Variants in ZNFX1 observed in about 807,000 individuals in gnomAD.
ZNFX1 encodes zinc finger NFX1-type containing 1, also known as NFX1-type zinc finger-containing protein 1.
ZNFX1 carries 78 observed loss-of-function variants against 179.8 expected under a neutral mutation model. That is an observed-to-expected ratio of 0.43 (90% CI 0.36 to 0.52). The LOEUF is 0.52. Among genes scored for constraint, ZNFX1 ranks in the 20% least tolerant of loss-of-function variants. ZNFX1 has a pLI of 0.00. For missense variants in ZNFX1, 1,927 were observed against 2,386.6 expected, an observed-to-expected ratio of 0.81 and a Z score of 4.01; for synonymous variants, 848 against 868.5, an observed-to-expected ratio of 0.98 and a Z score of 0.42.
At chr20:49,258,987 A>G (rs1981048146) in intron 7 of ZNFX1, among the ~76,000 whole-genome samples, 1 of 151,782 alleles carries the variant, frequency 6.6e-6, no homozygotes, top group African/African-American at 2.4e-5. Context: ...CTGTAATCCC[A>G]GCTACTTGGG....
At chr20:49,260,128 T>C (rs1298156144) in intron 7 of ZNFX1, among the ~76,000 whole-genome samples, 1 of 152,082 alleles carries the variant, frequency 6.6e-6, no homozygotes, top group African/African-American at 2.4e-5. Flanking sequence ...AAAAGTCTTT[T>C]ATCTCATTAG....
At chr20:49,265,971 T>C (rs1981223916) in intron 4 of ZNFX1, among the ~76,000 whole-genome samples, 164 bp downstream of exon 4, 1 of 152,212 alleles carries the variant, frequency 6.6e-6, no homozygotes, top group Non-Finnish European at 1.5e-5. Context: ...GGTTAAGAAG[T>C]AGGAGCTGTG....
At chr20:49,257,263 G>A (rs796272817) in intron 8 of ZNFX1, among the ~76,000 whole-genome samples, 154 bp downstream of exon 8, 8 of 152,252 alleles carry the variant, frequency 5.3e-5, no homozygotes, top group East Asian at 1.9e-4. Flanking sequence ...TTATATCCTT[G>A]GGAATCACTA....
intron 9 of ZNFX1, 107 bp downstream of exon 9, chr20:49,255,701 C>T (rs1980953127): frequency 1.5e-6 from 2 of 1,302,612 alleles, no homozygotes; most frequent in Non-Finnish European, 2.1e-6. Context: ...AGTGGTGGTG[C>T]TCAATCAATA....
chr20:49,252,151 T>C (rs1391070480), intron 12 of ZNFX1, among the ~76,000 whole-genome samples: 1 of 143,992 alleles, frequency 6.9e-6, no homozygotes, highest in Admixed American at 7.0e-5. Flanking sequence ...CTTTTCTTTT[T>C]TTTTTTTCTG....
At position 49,270,201 on chromosome 20, in the gene ZNFX1, C is replaced by T. The variant is rs1287037274; in HGVS notation, c.1611G>A (p.Val537=). ...EEDVPFQRNI[V]ECNSHVKEPR... ...GCTCCTTCACATGAGAGTTACACTC[C>T]ACGATATTCCTCTGGAAGGGAACAT... is the stretch of plus-strand genomic sequence containing the variant. Residue 537 remains valine, a synonymous_variant, in exon 3 of 14, where the codon GTG becomes GTA. Coordinates refer to ENST00000396105, the MANE Select transcript of ZNFX1 (RefSeq NM_021035.3). This position sits in a 1 kb window ranked among gnomAD's most constrained non-coding sequence, Gnocchi z 4.6. 11 of 1,613,926 alleles carry T rather than the reference C, an allele frequency of 6.8e-6. No homozygotes were observed. In the East Asian group the frequency reaches 2.2e-4, roughly 33 times the overall value.
At chr20:49,275,072 G>A (rs1981518527) in intron 2 of ZNFX1, among the ~76,000 whole-genome samples, 2 of 151,680 alleles carry the variant, frequency 1.3e-5, no homozygotes, top group South Asian at 4.2e-4. Flanking sequence ...GCAGTGAGCA[G>A]AGATCGCGCC....
chr20:49,277,695 G>A (rs1981617353), intron 1 of ZNFX1, among the ~76,000 whole-genome samples: 1 of 149,824 alleles, frequency 6.7e-6, no homozygotes, highest in Non-Finnish European at 1.5e-5. Context: ...TGGGCCAGGG[G>A]CTGAGTGGGT....
intron 8 of ZNFX1, 109 bp from the exon 9 acceptor site, chr20:49,256,056 A>G: frequency 7.5e-7 from 1 of 1,335,884 alleles, no homozygotes; most frequent in Non-Finnish European, 1.0e-6. Flanking sequence ...ATCACTGATT[A>G]ATGTCAAGTG....
At position 49,270,827 on chromosome 20, in the gene ZNFX1, G is replaced by C. The variant is rs1277592863; in HGVS notation, c.985C>G (p.His329Asp). ...YTLVQPEAED[H>D]VESYRTMPIY... ...GGCATGGTTCGGTAGCTCTCAACAT[G>C]GTCTTCTGCCTCAGGCTGCACTAGA... Residue 329 changes from histidine to aspartate, a missense_variant, in exon 3 of 14, where the codon CAT (histidine) becomes GAT (aspartate). His to Asp is a moderately conservative substitution (Grantham distance 81, BLOSUM62 -1). Transcript: ENST00000396105. The surrounding 1 kb of genome is among the most constrained non-coding windows in gnomAD (Gnocchi z 4.6). The C allele has an allele frequency of 6.2e-7, 1 of 1,614,130 alleles. No individual in the cohort carries two copies. Among genetic ancestry groups the C allele is most frequent in the South Asian group, 1.1e-5 (1 of 91,078 alleles).
rs769195892 is a variant in ZNFX1, at chr20:49,253,729, G to A, written c.3042C>T (p.Ala1014=). The change falls in exon 11 of 14, where the codon GCC becomes GCT. Residue 1014 remains alanine, a synonymous_variant. Transcript: ENST00000396105. ...IVEEAAEVLE[A]HTIATLSKAC... is the part of the protein sequence containing the mutation. ...CTTTGCTCAATGTGGCAATGGTATG[G>A]GCCTCAAGGACTTCCGCAGCTTCTT... The A allele has an allele frequency of 1.9e-6, 3 of 1,614,166 alleles. No homozygotes were observed. The Admixed American group carries it at 5.0e-5, about 27-fold the overall frequency.
At chr20:49,264,199 G>A (rs1275988311) in intron 5 of ZNFX1, among the ~76,000 whole-genome samples, 1 of 152,198 alleles carries the variant, frequency 6.6e-6, no homozygotes, top group Non-Finnish European at 1.5e-5. Context: ...TCCAGCCTGG[G>A]TGACTGAGCA....
rs931580247 is a variant in ZNFX1, at chr20:49,257,569, T to C, written c.2512A>G (p.Ile838Val). The change falls in exon 8 of 14, where the codon ATT (isoleucine) becomes GTT (valine). Residue 838 changes from isoleucine (I) to valine (V), a missense_variant. By Grantham distance (29) the Ile-to-Val change is conservative. Transcript: ENST00000396105. The stretch of plus-strand genomic sequence containing the variant: ...GGCCTCACCACCTCTTCCTCCTCAA[T>C]CACCCGGTCTGCTTGAATCAGGTCA... ...EADLIQADRV[I>V]EEEEVVRPQR... 1.9e-6 allele frequency: 3 copies of C among 1,613,780 alleles called. No individual in the cohort carries two copies. The African/African-American group carries it at 4.0e-5, about 22-fold the overall frequency.
In ZNFX1 at chr20:49,260,481, C is replaced by A. The variant is rs748880489; in HGVS notation, c.2398G>T (p.Ala800Ser). 1 of 1,612,572 alleles carries A rather than the reference C, an allele frequency of 6.2e-7. No individual in the cohort carries two copies. The highest frequency in any genetic ancestry group is 1.3e-5 in the African/African-American group (1 of 74,840). ...TTCTTACCTGTATTCTCAGGTCCTG[C>A]TGGAGAAACACTTTGCGTGAAAGAA... The part of the protein sequence containing the change: ...VGSFTQSVSP[A>S]GPENTAQAEG... The change falls in exon 7 of 14, where the codon GCA becomes TCA. Residue 800 changes from alanine (A) to serine (S), a missense_variant. Transcript: ENST00000396105.
At chr20:49,258,839 C>G (rs994421346) in intron 7 of ZNFX1, among the ~76,000 whole-genome samples, 1 of 140,982 alleles carries the variant, frequency 7.1e-6, no homozygotes, top group African/African-American at 2.7e-5. Context: ...CGTGGTGGCT[C>G]ATGCCTGTAA....
At chr20:49,261,034 T>C (rs914191050) in intron 6 of ZNFX1, among the ~76,000 whole-genome samples, 36 of 152,110 alleles carry the variant, frequency 2.4e-4, no homozygotes, top group Admixed American at 2.3e-3. Context: ...TGAGTGGAGA[T>C]TGTGCCACTA....
At chr20:49,277,599 G>A (rs972722058) in intron 1 of ZNFX1, among the ~76,000 whole-genome samples, 7 of 151,646 alleles carry the variant, frequency 4.6e-5, no homozygotes, top group Non-Finnish European at 7.4e-5. Flanking sequence ...GGTGTCGGGG[G>A]TGCTGGGGAG....
chr20:49,246,467 C>A lies in ZNFX1; in HGVS notation c.*800G>T. 1 of 161,696 alleles carries A rather than the reference C, an allele frequency of 6.2e-6. No homozygotes were observed. Among genetic ancestry groups the A allele is most frequent in the South Asian group, 1.6e-4 (1 of 6,228 alleles). 10.0% of individuals were successfully genotyped at this position (161,696 alleles called of 1,614,324 possible). ...GCCTCCATCTCCTGGAGGCAGGGTG[C>A]CCAAGGAGGGCAGGGAGGGGTTCTT... On this transcript the variant is annotated 3_prime_UTR_variant, in exon 14 of 14. Transcript: ENST00000396105.
Position 49,270,776 on chromosome 20 carries a change from G to A in ZNFX1, c.1036C>T (p.His346Tyr), listed in dbSNP as rs1981364338. Residue 346 changes from histidine (H) to tyrosine (Y), a missense_variant, in exon 3 of 14, where the codon CAC becomes TAC. Coordinates refer to ENST00000396105, the MANE Select transcript of ZNFX1 (RefSeq NM_021035.3). The surrounding 1 kb of genome is among the most constrained non-coding windows in gnomAD (Gnocchi z 4.6). The stretch of plus-strand genomic sequence containing the variant: ...CGAAGGAAGGGCCTCTCATCCAAGT[G>A]CACTTCATTGTAGGTAGGGTAAATG... ...MPIYPTYNEV[H>Y]LDERPFLRPN... The A allele has an allele frequency of 6.2e-7, 1 of 1,614,056 alleles. No homozygotes were observed. Among genetic ancestry groups the A allele is most frequent in the Non-Finnish European group, 8.5e-7 (1 of 1,180,046 alleles).
Sources: allele counts gnomAD v4.1 joint callset (sites outside exome capture counted in the v4.1 genomes callset), GRCh38; gene constraint gnomAD v4.1.1; non-coding constraint Gnocchi (gnomAD v3.1); transcripts MANE v1.5; gene names NCBI Gene and HGNC (gene_info 2026-07-23, HGNC 2026-07-21).